The following SGCD variants were observed in gnomAD, a reference collection of about 807,000 sequenced individuals.
SGCD encodes delta-sarcoglycan.
In SGCD, 18 loss-of-function variants were observed where a neutral mutation model predicts 36.6. That is an observed-to-expected ratio of 0.49 (90% CI 0.34 to 0.73). The LOEUF is 0.73. Among genes scored for constraint, SGCD ranks in the 30% least tolerant of loss-of-function variants. The pLI is 0.01. For missense variants in SGCD, 387 were observed against 346.7 expected (o/e 1.12, Z -0.92); for synonymous variants, 133 against 130.6 (o/e 1.02, Z -0.12).
chr5:156,195,064 C>T (rs4704990), intron 3 of SGCD, among the ~76,000 whole-genome samples: 152,211 of 152,310 alleles, frequency 1, 76,056 homozygotes, highest in Non-Finnish European at 1. Flanking sequence ...ATTGTCAAAT[C>T]TTTATGTTCT....
intron 7 of SGCD, among the ~76,000 whole-genome samples, chr5:156,697,963 A>G (rs536991055): frequency 1.3e-5 from 2 of 152,332 alleles, no homozygotes; most frequent in South Asian, 4.1e-4. Context: ...GTCACAACTC[A>G]GATTAGTCAT....
At chr5:155,847,101 A>G in the SGCD span, among the ~76,000 whole-genome samples, 1 of 152,112 alleles carries the variant, frequency 6.6e-6, no homozygotes, top group Admixed American at 6.6e-5. Flanking sequence ...CCATGTCCCA[A>G]TGCCCGGGCC....
chr5:156,708,104 A>G (rs1486574121), intron 7 of SGCD, among the ~76,000 whole-genome samples: 1 of 152,092 alleles, frequency 6.6e-6, no homozygotes, highest in Admixed American at 6.6e-5. Context: ...CTGCTTTTTG[A>G]GGATAAGAAC....
At chr5:156,656,112 G>A (rs900389190) in intron 7 of SGCD, among the ~76,000 whole-genome samples, 1 of 152,078 alleles carries the variant, frequency 6.6e-6, no homozygotes, top group Admixed American at 6.6e-5. Context: ...AGCTTGGAGG[G>A]AACCATGAAA....
At chr5:156,501,254 A>T (rs1756437601) in intron 3 of SGCD, among the ~76,000 whole-genome samples, 1 of 152,144 alleles carries the variant, frequency 6.6e-6, no homozygotes, top group Non-Finnish European at 1.5e-5. Flanking sequence ...CAGTTCATTC[A>T]ATGAGATTCA....
At chr5:155,728,478 G>T in the SGCD span, among the ~76,000 whole-genome samples, 1 of 152,328 alleles carries the variant, frequency 6.6e-6, no homozygotes, top group Admixed American at 6.5e-5. Flanking sequence ...GGATTGAAGC[G>T]AGCTGGGCTG....
At chr5:156,231,152 A>G (rs187408009) in intron 3 of SGCD, among the ~76,000 whole-genome samples, 5 of 152,344 alleles carry the variant, frequency 3.3e-5, no homozygotes, top group Non-Finnish European at 7.4e-5. Flanking sequence ...TCAGAGGTTC[A>G]TAATTAGCCT....
intron 3 of SGCD, among the ~76,000 whole-genome samples, chr5:156,161,551 A>T (rs758273373): frequency 6.6e-6 from 1 of 151,946 alleles, no homozygotes. Flanking sequence ...CCAAGGGCAC[A>T]AAGCTGGTGA....
At chr5:155,843,684 T>C in the SGCD span, among the ~76,000 whole-genome samples, 1 of 152,192 alleles carries the variant, frequency 6.6e-6, no homozygotes, top group African/African-American at 2.4e-5. Context: ...AACTTCTGGC[T>C]CAAGGCAAGA....
intron 3 of SGCD, among the ~76,000 whole-genome samples, chr5:156,431,041 A>G (rs1450126151): frequency 6.6e-6 from 1 of 152,132 alleles, no homozygotes; most frequent in African/African-American, 2.4e-5. Context: ...GTGGGCCAAG[A>G]TCCCAGTCTT....
intron 2 of SGCD, among the ~76,000 whole-genome samples, chr5:156,119,493 T>C (rs1037286414): frequency 4.6e-5 from 7 of 152,166 alleles, no homozygotes; most frequent in African/African-American, 1.7e-4. Flanking sequence ...TGTATACCTA[T>C]ATGGTATCTC....
chr5:156,141,018 T>C (rs558807908), intron 3 of SGCD, among the ~76,000 whole-genome samples: 1 of 152,300 alleles, frequency 6.6e-6, no homozygotes, highest in Admixed American at 6.5e-5. Flanking sequence ...CTCAAGTCTC[T>C]GCTTCCTGAA....
the SGCD span, among the ~76,000 whole-genome samples, chr5:155,831,658 C>T: frequency 1.3e-5 from 2 of 152,200 alleles, no homozygotes; most frequent in African/African-American, 4.8e-5. Flanking sequence ...CCAGGCATCC[C>T]CCGTCACAAA....
intron 3 of SGCD, among the ~76,000 whole-genome samples, chr5:156,156,215 G>A (rs1055923233): frequency 6.6e-6 from 1 of 151,600 alleles, no homozygotes; most frequent in Non-Finnish European, 1.5e-5. Flanking sequence ...AAGGCCAAGA[G>A]AAGAGAGAGC....
chr5:156,503,277 A>G (rs562050058), intron 3 of SGCD, among the ~76,000 whole-genome samples: 46 of 152,324 alleles, frequency 3.0e-4, no homozygotes, highest in Admixed American at 1.4e-3. Flanking sequence ...GTCATGGCAC[A>G]CAGCACATGA....
the SGCD span, among the ~76,000 whole-genome samples, chr5:155,826,891 C>A: frequency 2.6e-5 from 4 of 152,298 alleles, no homozygotes; most frequent in East Asian, 7.7e-4. Flanking sequence ...TCTGCAGGAT[C>A]TTCAGGTCAG....
chr5:155,920,252 G>T (rs1363575833), intron 1 of SGCD, among the ~76,000 whole-genome samples: 2 of 152,170 alleles, frequency 1.3e-5, no homozygotes, highest in Non-Finnish European at 2.9e-5. Context: ...TAATCTGTAA[G>T]CTATTTAGGA....
intron 3 of SGCD, among the ~76,000 whole-genome samples, chr5:156,420,230 C>T (rs1236995692): frequency 2.0e-5 from 3 of 152,106 alleles, no homozygotes; most frequent in African/African-American, 7.2e-5. Context: ...ACTGATGGAG[C>T]TCTCTTTCTG....
intron 3 of SGCD, among the ~76,000 whole-genome samples, chr5:156,446,214 T>G (rs561875428): frequency 1.3e-4 from 20 of 152,264 alleles, no homozygotes; most frequent in South Asian, 2.1e-4. Flanking sequence ...AAAGAAGGCA[T>G]TATAGGTGCT....
Sources: gnomAD v4.1 joint callset for allele counts (sites outside exome capture counted in the v4.1 genomes callset) on GRCh38, gnomAD v4.1.1 for gene constraint, MANE v1.5 for transcripts, NCBI Gene and HGNC (gene_info 2026-07-23, HGNC 2026-07-21) for gene names.